UBE3B: variants seen among roughly 807,000 people sequenced by gnomAD.
The protein encoded by UBE3B is ubiquitin protein ligase E3B.
In UBE3B, 80 loss-of-function variants were observed where a neutral mutation model predicts 132.3. That is an observed-to-expected ratio of 0.60 (90% CI 0.50 to 0.73). UBE3B has a LOEUF of 0.73. UBE3B is among the 30% of genes least tolerant of loss of function. The pLI, the probability that UBE3B is intolerant of heterozygous loss-of-function variation, is 0.00. For synonymous variants in UBE3B, 487 were observed against 520.4 expected (o/e 0.94, Z 0.87); for missense variants, 1,196 against 1,362.5 (o/e 0.88, Z 1.92).
chr12:109,542,489 C>T, the UBE3B span, among the ~76,000 whole-genome samples: 1 of 152,156 alleles, frequency 6.6e-6, no homozygotes, highest in Non-Finnish European at 1.5e-5. Flanking sequence ...GGGTTGAATT[C>T]TGTCCCAAAA....
chr12:109,479,656 G>C (rs1269981412), intron 1 of UBE3B, among the ~76,000 whole-genome samples: 1 of 152,204 alleles, frequency 6.6e-6, no homozygotes, highest in East Asian at 1.9e-4. Context: ...ACACTGTGCA[G>C]GTGGAGAAGG....
At chr12:109,507,785 C>A in intron 15 of UBE3B, 50 bp downstream of exon 15, 1 of 1,566,742 alleles carries the variant, frequency 6.4e-7, no homozygotes, top group Non-Finnish European at 8.7e-7. Flanking sequence ...TATGGAGAGA[C>A]CAAAATACAG....
Position 109,478,045 on chromosome 12 carries a change from ACT to A in UBE3B, c.-189_-188del, listed in dbSNP as rs1348035560. On this transcript the variant is annotated 5_prime_UTR_variant, in exon 1 of 28. An upstream open reading frame in the 5' UTR gains an earlier in-frame stop. Transcript: ENST00000342494. Reference sequence around the variant, plus strand: ...CTGTGGTTGTTGATGCCGAGGAAAGACTCTGGGCCCCAGGACTCACCTAAACT... The same window carrying A: ...CTGTGGTTGTTGATGCCGAGGAAAGACTGGGCCCCAGGACTCACCTAAACT... 6.6e-6 allele frequency: 1 copy of A among 152,064 alleles called. No homozygotes were observed. Among genetic ancestry groups the A allele is most frequent in the African/African-American group, 2.4e-5 (1 of 41,294 alleles). 9.4% of individuals were successfully genotyped at this position (152,064 alleles called of 1,614,324 possible). A position where few individuals can be genotyped will look rare whatever the true frequency, so the allele number is the denominator to read the frequency against.
At chr12:109,501,638 CTTTG>C in intron 13 of UBE3B, 104 bp downstream of exon 13, 2 of 1,393,112 alleles carry the variant, frequency 1.4e-6, no homozygotes, top group Non-Finnish European at 1.9e-6. Flanking sequence ...GATGCTCTAA[CTTTG>C]TTTTTGTTGT....
chr12:109,529,316 A>G (rs1882712124), intron 24 of UBE3B, among the ~76,000 whole-genome samples: 1 of 152,146 alleles, frequency 6.6e-6, no homozygotes, highest in Non-Finnish European at 1.5e-5. Flanking sequence ...GCTTGGAACC[A>G]TTGTAAGTTG....
chr12:109,523,099 G>C (rs1881902701), intron 21 of UBE3B, among the ~76,000 whole-genome samples: 1 of 152,128 alleles, frequency 6.6e-6, no homozygotes, highest in South Asian at 2.1e-4. Context: ...GACCTGCTAG[G>C]CCCTGCATGA....
rs1420754390 is a variant in UBE3B, at chr12:109,522,866, T to C, written c.2365-1112T>C. Among the ~76,000 whole-genome samples, 7 of 152,224 alleles carry C rather than the reference T, an allele frequency of 4.6e-5. No homozygotes were observed. Among genetic ancestry groups the C allele is most frequent in the Admixed American group, 1.3e-4 (2 of 15,282 alleles). On this transcript the variant is annotated intron_variant, in intron 21 of 27. Coordinates refer to ENST00000342494, the MANE Select transcript of UBE3B (RefSeq NM_130466.4). This position sits in a 1 kb window ranked among gnomAD's most constrained non-coding sequence, Gnocchi z 4.2. ...TGCATAATAGAAACAATTTCTCAGT[T>C]GATTTCCATTGAAAAAGTTAAAAAT... is the stretch of plus-strand genomic sequence containing the variant.
At chr12:109,540,331 C>T (rs1454605105), downstream of UBE3B, among the ~76,000 whole-genome samples, 1 of 152,196 alleles carries the variant, frequency 6.6e-6, no homozygotes, top group Non-Finnish European at 1.5e-5. Context: ...CCTCAGCCTC[C>T]CAGGTAGCTG....
At chr12:109,511,548 G>C (rs1880380080) in intron 18 of UBE3B, among the ~76,000 whole-genome samples, 1 of 152,214 alleles carries the variant, frequency 6.6e-6, no homozygotes, top group Non-Finnish European at 1.5e-5. Context: ...TGACCAGCTG[G>C]AGGGAGGGAA....
At chr12:109,486,402 C>T in intron 5 of UBE3B, 69 bp from the exon 6 acceptor site, 1 of 1,312,510 alleles carries the variant, frequency 7.6e-7, no homozygotes, top group South Asian at 1.3e-5. Context: ...GGTCCAGTTC[C>T]AACAGTTAGA....
intron 19 of UBE3B, among the ~76,000 whole-genome samples, chr12:109,518,315 TG>T: frequency 6.6e-6 from 1 of 152,282 alleles, no homozygotes; most frequent in South Asian, 2.1e-4. Flanking sequence ...CCTCCAGACC[TG>T]CCATGTGACG....
At chr12:109,499,593 T>G in intron 11 of UBE3B, 40 bp from the exon 12 acceptor site, 1 of 1,503,148 alleles carries the variant, frequency 6.7e-7, no homozygotes, top group Non-Finnish European at 8.9e-7. Flanking sequence ...CACCAAAATG[T>G]TTGTCTGGGC....
intron 9 of UBE3B, 188 bp downstream of exon 9, chr12:109,491,315 G>T (rs774102266): frequency 3.5e-5 from 16 of 450,774 alleles, no homozygotes; most frequent in Admixed American, 1.2e-4. Flanking sequence ...CTTCAGTCTT[G>T]AATATTTCTT....
chr12:109,532,952 G>A (rs1006719818), intron 26 of UBE3B, among the ~76,000 whole-genome samples: 1 of 152,242 alleles, frequency 6.6e-6, no homozygotes, highest in Non-Finnish European at 1.5e-5. Context: ...TGAATAAGGA[G>A]CCGGCAGGAT....
chr12:109,521,217 A>G lies in UBE3B; in HGVS notation c.2146A>G (p.Asn716Asp). The G allele has an allele frequency of 6.2e-7, 1 of 1,614,188 alleles. No individual in the cohort carries two copies. The highest frequency in any genetic ancestry group is 8.5e-7 in the Non-Finnish European group (1 of 1,180,022). The change falls in exon 20 of 28, where the codon AAT (asparagine) becomes GAT (aspartate). Residue 716 changes from asparagine (N) to aspartate (D), a missense_variant. Physicochemically the swap from Asn to Asp is conservative, Grantham distance 23. Coordinates refer to ENST00000342494, the MANE Select transcript of UBE3B (RefSeq NM_130466.4). This position sits in a 1 kb window ranked among gnomAD's most constrained non-coding sequence, Gnocchi z 4.2. The part of the protein sequence containing the change: ...MKGVIRVKFV[N>D]DLGVDEAGID... ...GGGGGTCATCCGTGTGAAGTTTGTC[A>G]ATGACCTCGGGGTGGACGAAGCAGG...
At chr12:109,490,454 A>G (rs1395926970) in intron 8 of UBE3B, 2 of 1,535,060 alleles carry the variant, frequency 1.3e-6, no homozygotes, top group East Asian at 4.9e-5. Context: ...CTTGAGTTTG[A>G]GAAGTAATGT....
At chr12:109,526,031 T>C (rs985777003) in intron 23 of UBE3B, among the ~76,000 whole-genome samples, 1 of 152,216 alleles carries the variant, frequency 6.6e-6, no homozygotes, top group Non-Finnish European at 1.5e-5. Flanking sequence ...ACCTGCACAG[T>C]ATTCCAGGGT....
At chr12:109,492,134 CTG>C (rs1877547528) in intron 9 of UBE3B, 1 of 152,212 alleles carries the variant, frequency 6.6e-6, no homozygotes, top group Non-Finnish European at 1.5e-5. Context: ...ATGAGCATGA[CTG>C]TGTTCCAGTA....
chr12:109,487,794 G>A (rs1566075671), intron 6 of UBE3B, among the ~76,000 whole-genome samples: 1 of 152,194 alleles, frequency 6.6e-6, no homozygotes, highest in African/African-American at 2.4e-5. Flanking sequence ...TCCTGATTCT[G>A]CTGTTCATTT....
Sources: allele counts gnomAD v4.1 joint callset (sites outside exome capture counted in the v4.1 genomes callset), GRCh38; gene constraint gnomAD v4.1.1; non-coding constraint Gnocchi (gnomAD v3.1); transcripts MANE v1.5; gene names NCBI Gene and HGNC (gene_info 2026-07-23, HGNC 2026-07-21).